The following KIF13B variants were observed in gnomAD, a reference collection of about 807,000 sequenced individuals.
KIF13B encodes kinesin-like protein KIF13B.
In KIF13B, 127 loss-of-function variants were observed where a neutral mutation model predicts 222.0. The observed-to-expected ratio is 0.57, with a 90% CI of 0.50 to 0.66. The LOEUF is 0.66. Ranked by LOEUF, KIF13B falls within the 30% of genes least tolerant of loss-of-function variation. KIF13B has a pLI of 0.00. For missense variants in KIF13B, 2,173 were observed against 2,379.0 expected, an observed-to-expected ratio of 0.91 and a Z score of 1.80; for synonymous variants, 976 against 919.0, an observed-to-expected ratio of 1.06 and a Z score of -1.12.
intron 37 of KIF13B, among the ~76,000 whole-genome samples, chr8:29,080,038 T>TA (rs1206806689): frequency 6.6e-6 from 1 of 152,220 alleles, no homozygotes; most frequent in African/African-American, 2.4e-5. Context: ...AAAAGTAACA[T>TA]ACAATGGATA....
intron 37 of KIF13B, among the ~76,000 whole-genome samples, chr8:29,089,870 A>C (rs1056344974): frequency 2.1e-5 from 3 of 142,122 alleles, no homozygotes; most frequent in Non-Finnish European, 3.0e-5. Flanking sequence ...TGGGCAACAG[A>C]GCAAGACTCT....
chr8:29,255,730 T>C (rs1816450484), intron 1 of KIF13B, among the ~76,000 whole-genome samples: 1 of 152,158 alleles, frequency 6.6e-6, no homozygotes, highest in Non-Finnish European at 1.5e-5. Context: ...AATTAATTCG[T>C]TTCAGTGAAA....
chr8:29,119,063 T>C, intron 29 of KIF13B, 71 bp from the exon 30 acceptor site: 3 of 1,467,946 alleles, frequency 2.0e-6, no homozygotes, highest in Non-Finnish European at 2.8e-6. Flanking sequence ...TAAATTTCAA[T>C]GTGATTATTA....
chr8:29,096,095 C>A (rs1808513669), intron 36 of KIF13B, among the ~76,000 whole-genome samples: 1 of 151,466 alleles, frequency 6.6e-6, no homozygotes, highest in Non-Finnish European at 1.5e-5. Flanking sequence ...GATTCTCCTG[C>A]CTCAGCCTCC....
At chr8:29,101,510 C>G (rs1024935776) in intron 35 of KIF13B, among the ~76,000 whole-genome samples, 2 of 152,150 alleles carry the variant, frequency 1.3e-5, no homozygotes, top group African/African-American at 4.8e-5. Flanking sequence ...CACACCCAGG[C>G]CCCGATGGCT....
At chr8:29,145,247 C>A (rs1239429616) in intron 18 of KIF13B, among the ~76,000 whole-genome samples, 1 of 152,164 alleles carries the variant, frequency 6.6e-6, no homozygotes, top group Non-Finnish European at 1.5e-5. Context: ...ATTTACAATA[C>A]CTTTCTCAAA....
chr8:29,192,610 T>A (rs2130358621), intron 3 of KIF13B, among the ~76,000 whole-genome samples: 1 of 152,328 alleles, frequency 6.6e-6, no homozygotes, highest in South Asian at 2.1e-4. Context: ...TATCTATCTC[T>A]GCTATAATTT....
chr8:29,183,201 G>C lies in KIF13B; in HGVS notation c.498-1195C>G, dbSNP rs564889642. Reference sequence around the variant, plus strand: ...TTTTTTTTTTTTCCAATGGAGTCTTGCTCTATCACCCAGGATCTCAGCTCA... The same window carrying C: ...TTTTTTTTTTTTCCAATGGAGTCTTCCTCTATCACCCAGGATCTCAGCTCA... On this transcript the variant is annotated intron_variant, in intron 6 of 39. Coordinates refer to ENST00000524189, the MANE Select transcript of KIF13B (RefSeq NM_015254.4). 6.9e-5 allele frequency among the ~76,000 whole-genome samples: 7 copies of C among 101,286 alleles called. No individual in the cohort carries two copies. In the Admixed American group the frequency reaches 9.7e-4, roughly 14 times the overall value. 66.4% of individuals were successfully genotyped at this position (101,286 alleles called of 152,430 possible).
intron 5 of KIF13B, among the ~76,000 whole-genome samples, chr8:29,186,803 CA>C (rs56325995): frequency 9.7e-5 from 14 of 144,800 alleles, no homozygotes; most frequent in Non-Finnish European, 1.4e-4. Flanking sequence ...TACTAAAATA[CA>C]AAAAAAAAAG....
chr8:29,218,270 G>A (rs1012885501), intron 2 of KIF13B, among the ~76,000 whole-genome samples: 4 of 152,196 alleles, frequency 2.6e-5, no homozygotes, highest in Non-Finnish European at 5.9e-5. Flanking sequence ...TTCAGTGAAT[G>A]TTTATTGAAA....
Position 29,130,602 on chromosome 8 carries a change from A to G in KIF13B, c.3006T>C (p.Gly1002=). ...WVQILEQNEN[G]EYCPVEVISA... is the part of the protein sequence containing the mutation. ...AAATCACTTCTACAGGGCAGTATTCACCATTCTCATTCTGTTCCAAGATTT... is the reference window on the plus strand; with the variant it reads ...AAATCACTTCTACAGGGCAGTATTCGCCATTCTCATTCTGTTCCAAGATTT... The change falls in exon 24 of 40, where the codon GGT becomes GGC. Residue 1002 remains glycine, a synonymous_variant. Transcript: ENST00000524189. The G allele has an allele frequency of 1.9e-6, 3 of 1,613,694 alleles. No homozygotes were observed. Among genetic ancestry groups the G allele is most frequent in the Non-Finnish European group, 2.5e-6 (3 of 1,179,636 alleles).
chr8:29,127,981 A>G (rs927632607), intron 24 of KIF13B, among the ~76,000 whole-genome samples: 7 of 151,894 alleles, frequency 4.6e-5, no homozygotes, highest in Non-Finnish European at 1.0e-4. Flanking sequence ...AGAAAAACAT[A>G]TGACATGTTA....
intron 1 of KIF13B, among the ~76,000 whole-genome samples, chr8:29,248,519 G>A (rs1816136940): frequency 1.3e-5 from 2 of 151,636 alleles, no homozygotes; most frequent in South Asian, 4.1e-4. Context: ...TGGCAGCAGA[G>A]AAGAGAAGGA....
chr8:29,220,141 C>A (rs1018928561), intron 2 of KIF13B, among the ~76,000 whole-genome samples: 4 of 152,116 alleles, frequency 2.6e-5, no homozygotes, highest in African/African-American at 9.7e-5. Flanking sequence ...AAAAATTTAA[C>A]CCCCCTGTAC....
chr8:29,173,912 C>A (rs1812362866), intron 10 of KIF13B, among the ~76,000 whole-genome samples: 1 of 145,142 alleles, frequency 6.9e-6, no homozygotes, highest in Admixed American at 7.2e-5. Flanking sequence ...CACTACACTC[C>A]AGCCTGGGCA....
chr8:29,071,620 C>G lies in KIF13B; in HGVS notation c.5218G>C (p.Gly1740Arg). 1.3e-6 allele frequency: 2 copies of G among 1,550,744 alleles called. No homozygotes were observed. The highest frequency in any genetic ancestry group is 2.4e-5 in the South Asian group (2 of 84,100). The change falls in exon 39 of 40, where the codon GGT becomes CGT. Residue 1740 changes from glycine (G) to arginine (R), a missense_variant and splice_region_variant. By Grantham distance (125) the Gly-to-Arg change is moderately radical. This residue lies in a region of KIF13B where 693 missense variants were observed against 656.2 expected (regional missense o/e 1.06). Transcript: ENST00000524189. This position sits in a 1 kb window ranked among gnomAD's most constrained non-coding sequence, Gnocchi z 4.9. Reference protein sequence around the residue: ...WVGVELDLPSGKNDGSIGGKQ... With the variant: ...WVGVELDLPSRKNDGSIGGKQ... ...GGAGCCCGGAGTGCCCGGTACCCAC[C>G]TGAGGGCAGGTCGAGCTCCACGCCG...
chr8:29,210,122 G>A (rs1467997778), intron 2 of KIF13B, among the ~76,000 whole-genome samples: 1 of 151,928 alleles, frequency 6.6e-6, no homozygotes, highest in Non-Finnish European at 1.5e-5. Context: ...AGGAAGAGTA[G>A]TCAGACTACC....
chr8:29,149,034 TAAAG>T (rs1490665229), intron 15 of KIF13B, among the ~76,000 whole-genome samples: 3 of 152,270 alleles, frequency 2.0e-5, no homozygotes, highest in African/African-American at 4.8e-5. Context: ...AGCAAGGTGA[TAAAG>T]GAAGGTGCGA....
Position 29,148,616 on chromosome 8 carries a change from C to T in KIF13B, c.1774G>A (p.Ala592Thr). The T allele has an allele frequency of 6.2e-7, 1 of 1,612,234 alleles. No homozygotes were observed. The highest frequency in any genetic ancestry group is 2.2e-5 in the East Asian group (1 of 44,864). Residue 592 changes from alanine to threonine, a missense_variant, in exon 16 of 40, where the codon GCA (alanine) becomes ACA (threonine). Ala to Thr is a moderately conservative substitution (Grantham distance 58). Transcript: ENST00000524189. Reference sequence around the variant, plus strand: ...GCCTTCATGGTGACCTCCATCTGTGCGTATTCGTAATTAAAGTTAACTTCA... The same window carrying T: ...GCCTTCATGGTGACCTCCATCTGTGTGTATTCGTAATTAAAGTTAACTTCA... ...SSEVNFNYEY[A>T]QMEVTMKALG...
Sources: gnomAD v4.1 joint callset for allele counts (sites outside exome capture counted in the v4.1 genomes callset) on GRCh38, gnomAD v4.1.1 for gene constraint, gnomAD v4.1.1 regional missense constraint, Gnocchi (gnomAD v3.1) non-coding constraint, MANE v1.5 for transcripts, NCBI Gene and HGNC (gene_info 2026-07-23, HGNC 2026-07-21) for gene names.